The following SOX9 variants were observed in gnomAD, a reference collection of about 807,000 sequenced individuals.
SOX9 encodes transcription factor SOX-9.
SOX9 carries 2 observed loss-of-function variants against 44.8 expected under a neutral mutation model. That is an observed-to-expected ratio of 0.04 (90% CI 0.02 to 0.14). The LOEUF is 0.14. Ranked by LOEUF, SOX9 falls within the 10% of genes least tolerant of loss-of-function variation. The pLI is 1.00. For synonymous variants in SOX9, 381 were observed against 331.8 expected, an observed-to-expected ratio of 1.15 and a Z score of -1.61; for missense variants, 583 against 728.6, an observed-to-expected ratio of 0.80 and a Z score of 2.30.
rs1042678 is a variant in SOX9 at position 72,125,967 on chromosome 17, G to C, written c.*1580G>C. 4.3e-6 allele frequency: 1 copy of C among 232,056 alleles called. No individual in the cohort carries two copies. The highest frequency in any genetic ancestry group is 8.5e-6 in the Non-Finnish European group (1 of 117,426). 14.4% of individuals were successfully genotyped at this position (232,056 alleles called of 1,614,324 possible). A position where few individuals can be genotyped will look rare whatever the true frequency, so the allele number is the denominator to read the frequency against. On this transcript the variant is annotated 3_prime_UTR_variant, in exon 3 of 3. Transcript: ENST00000245479. ...AAGCATGTGTCATCCATATTTCTCT[G>C]CATCTTCTCTTGGAGTGAGGGAGGC...
In SOX9 at chr17:72,125,023, T is replaced by C. The variant is rs1286507647; in HGVS notation, c.*636T>C. 8.8e-6 allele frequency: 2 copies of C among 226,432 alleles called. No homozygotes were observed. Among genetic ancestry groups the C allele is most frequent in the Non-Finnish European group, 1.8e-5 (2 of 113,464 alleles). The allele number at this position is 226,432 out of a possible 1,614,324, so 14.0% of individuals were successfully genotyped here. A position where few individuals can be genotyped will look rare whatever the true frequency, so the allele number is the denominator to read the frequency against. ...TTACAAAAAGAAAAAAAAAATCCTGTTGTATTAACATTTAAAAACAGAATT... is the reference window on the plus strand; with the variant it reads ...TTACAAAAAGAAAAAAAAAATCCTGCTGTATTAACATTTAAAAACAGAATT... On this transcript the variant is annotated 3_prime_UTR_variant, in exon 3 of 3. Transcript: ENST00000245479.
Position 72,121,038 on chromosome 17 carries a change from C to T in SOX9, c.-354C>T. On this transcript the variant is annotated 5_prime_UTR_variant, in exon 1 of 3. Coordinates refer to ENST00000245479, the MANE Select transcript of SOX9 (RefSeq NM_000346.4). This position sits in a 1 kb window ranked among gnomAD's most constrained non-coding sequence, Gnocchi z 8.3. ...GGGAGTTGGAGAGCCGAAAGCGGAG[C>T]TCGAAACTGACTGGAAACTTCAGTG... 1 of 532,392 alleles carries T rather than the reference C, an allele frequency of 1.9e-6. No homozygotes were observed. The highest frequency in any genetic ancestry group is 3.3e-6 in the Non-Finnish European group (1 of 307,154). The allele number at this position is 532,392 out of a possible 1,614,324, so 33.0% of individuals were successfully genotyped here. A position where few individuals can be genotyped will look rare whatever the true frequency, so the allele number is the denominator to read the frequency against.
rs1406338336 is a variant in SOX9 at position 72,123,913 on chromosome 17, CCCGCCGGCCCCGCAGGCGCCCCCGCAG to C, written c.1061_1087del (p.Pro354_Pro362del). The C allele has an allele frequency of 6.2e-6, 8 of 1,293,764 alleles. No homozygotes were observed. Among genetic ancestry groups the C allele is most frequent in the African/African-American group, 4.7e-5 (3 of 64,234 alleles). The allele number at this position is 1,293,764 out of a possible 1,614,324, so 80.1% of individuals were successfully genotyped here. A position where few individuals can be genotyped will look rare whatever the true frequency, so the allele number is the denominator to read the frequency against. ...CACCCCCGCAGCAGCCCCCACAGGC[CCCGCCGGCCCCGCAGGCGCCCCCGCAG>C]CCGCAGGCGGCGCCCCCACAGCAGC... On this transcript the variant is annotated inframe_deletion, in exon 3 of 3. Coordinates refer to ENST00000245479, the MANE Select transcript of SOX9 (RefSeq NM_000346.4). This position sits in a 1 kb window ranked among gnomAD's most constrained non-coding sequence, Gnocchi z 6.5.
In SOX9 at chr17:72,121,613, C is replaced by T. The variant is rs765395710; in HGVS notation, c.222C>T (p.Arg74=). 2 of 1,603,394 alleles carry T rather than the reference C, an allele frequency of 1.2e-6. No homozygotes were observed. Among genetic ancestry groups the T allele is most frequent in the Admixed American group, 1.7e-5 (1 of 58,446 alleles). The change falls in exon 1 of 3, where the codon CGC becomes CGT. Residue 74 remains arginine, a synonymous_variant. Coordinates refer to ENST00000245479, the MANE Select transcript of SOX9 (RefSeq NM_000346.4). This position sits in a 1 kb window ranked among gnomAD's most constrained non-coding sequence, Gnocchi z 8.3. The part of the protein sequence containing the change: ...SEEDKFPVCI[R]EAVSQVLKGY... ...AGGACAAGTTCCCCGTGTGCATCCG[C>T]GAGGCGGTCAGCCAGGTGCTCAAAG...
At position 72,123,110 on chromosome 17, in the gene SOX9, C is replaced by A; in HGVS notation, c.685+138C>A. On this transcript the variant is annotated intron_variant, in intron 2 of 2. Transcript: ENST00000245479. This position sits in a 1 kb window ranked among gnomAD's most constrained non-coding sequence, Gnocchi z 6.5. ...CACTGCCCTTTGCGCCCGTCCCGCT[C>A]CCCTCTCTACCCAGAGCCTAAGAGG... 1 of 1,004,456 alleles carries A rather than the reference C, an allele frequency of 1.0e-6. No homozygotes were observed. The highest frequency in any genetic ancestry group is 1.5e-6 in the Non-Finnish European group (1 of 673,060). The allele number at this position is 1,004,456 out of a possible 1,614,324, so 62.2% of individuals were successfully genotyped here. A position where few individuals can be genotyped will look rare whatever the true frequency, so the allele number is the denominator to read the frequency against.
chr17:72,124,300 C>T lies in SOX9; in HGVS notation c.1443C>T (p.Ala481=), dbSNP rs747450132. The part of the protein sequence containing the change: ...PAQRPMYTPI[A]DTSGVPSIPQ... Reference sequence around the variant, plus strand: ...AGCGCCCCATGTACACCCCCATCGCCGACACCTCTGGGGTCCCTTCCATCC... The same window carrying T: ...AGCGCCCCATGTACACCCCCATCGCTGACACCTCTGGGGTCCCTTCCATCC... Residue 481 remains alanine, a synonymous_variant, in exon 3 of 3, where the codon GCC becomes GCT. Coordinates refer to ENST00000245479, the MANE Select transcript of SOX9 (RefSeq NM_000346.4). This position sits in a 1 kb window ranked among gnomAD's most constrained non-coding sequence, Gnocchi z 4.6. 1 of 1,608,688 alleles carries T rather than the reference C, an allele frequency of 6.2e-7. No homozygotes were observed. Among genetic ancestry groups the T allele is most frequent in the Non-Finnish European group, 8.5e-7 (1 of 1,179,960 alleles).
At position 72,123,630 on chromosome 17, in the gene SOX9, C is replaced by T. The variant is rs761682807; in HGVS notation, c.773C>T (p.Pro258Leu). Residue 258 changes from proline to leucine, a missense_variant, in exon 3 of 3, where the codon CCC becomes CTC. Around this residue, in one of 7 missense-constraint regions of SOX9, gnomAD observed 349 missense variants for 387.0 expected, o/e 0.90. Transcript: ENST00000245479. The surrounding 1 kb of genome is among the most constrained non-coding windows in gnomAD (Gnocchi z 6.5). ...GKADLKREGR[P>L]LPEGGRQPPI... ...GCTGACCTGAAGCGAGAGGGGCGCC[C>T]CTTGCCAGAGGGGGGCAGACAGCCC... is the stretch of plus-strand genomic sequence containing the variant. The T allele has an allele frequency of 6.2e-7, 1 of 1,614,142 alleles. No individual in the cohort carries two copies. Among genetic ancestry groups the T allele is most frequent in the Non-Finnish European group, 8.5e-7 (1 of 1,180,012 alleles).
In SOX9 at chr17:72,124,833, T is replaced by C. The variant is rs1255527798; in HGVS notation, c.*446T>C. 1.7e-5 allele frequency: 6 copies of C among 353,686 alleles called. No homozygotes were observed. In the East Asian group the frequency reaches 2.4e-4, roughly 14 times the overall value. The allele number at this position is 353,686 out of a possible 1,614,324, so 21.9% of individuals were successfully genotyped here. A position where few individuals can be genotyped will look rare whatever the true frequency, so the allele number is the denominator to read the frequency against. On this transcript the variant is annotated 3_prime_UTR_variant, in exon 3 of 3. Transcript: ENST00000245479. This position sits in a 1 kb window ranked among gnomAD's most constrained non-coding sequence, Gnocchi z 4.6. ...GGAATATTCTCTATTTTAAATATTT[T>C]TAGTATGTACTGTGTATGATTCATT...
Position 72,123,550 on chromosome 17 carries a change from C to T in SOX9, c.693C>T (p.Ser231=). The change falls in exon 3 of 3, where the codon TCC becomes TCT. Residue 231 remains serine (S), a synonymous_variant. Coordinates refer to ENST00000245479, the MANE Select transcript of SOX9 (RefSeq NM_000346.4). The surrounding 1 kb of genome is among the most constrained non-coding windows in gnomAD (Gnocchi z 6.5). ...VHSPGEHSGQ[S]QGPPTPPTTP... is the part of the protein sequence containing the mutation. The stretch of plus-strand genomic sequence containing the variant: ...TTCTTTTATTGTCCACAGGGCAATC[C>T]CAGGGCCCACCGACCCCACCCACCA... 1 of 1,614,122 alleles carries T rather than the reference C, an allele frequency of 6.2e-7. No homozygotes were observed. Among genetic ancestry groups the T allele is most frequent in the Non-Finnish European group, 8.5e-7 (1 of 1,179,992 alleles).
rs1210801305 is a variant in SOX9 at position 72,124,583 on chromosome 17, C to T, written c.*196C>T. 10 of 711,418 alleles carry T rather than the reference C, an allele frequency of 1.4e-5. No homozygotes were observed. The highest frequency in any genetic ancestry group is 2.2e-5 in the Admixed American group (1 of 44,714). 44.1% of individuals were successfully genotyped at this position (711,418 alleles called of 1,614,324 possible). A position where few individuals can be genotyped will look rare whatever the true frequency, so the allele number is the denominator to read the frequency against. On this transcript the variant is annotated 3_prime_UTR_variant, in exon 3 of 3. Transcript: ENST00000245479. The surrounding 1 kb of genome is among the most constrained non-coding windows in gnomAD (Gnocchi z 4.6). ...CGTACCCAAATTTCCAAGACACAAA[C>T]ATGACCTATCCAAGCGCATTACCCA...
rs1390652980 is a variant in SOX9, at chr17:72,121,154, C to T, written c.-238C>T. On this transcript the variant is annotated 5_prime_UTR_variant, in exon 1 of 3. Transcript: ENST00000245479. This position sits in a 1 kb window ranked among gnomAD's most constrained non-coding sequence, Gnocchi z 8.3. ...AAGCGCCCCCACTTTTGCTCTTTTT[C>T]CTCCCCTCCTCCTCCTCTCCAATTC... is the stretch of plus-strand genomic sequence containing the variant. 1 of 571,630 alleles carries T rather than the reference C, an allele frequency of 1.7e-6. No individual in the cohort carries two copies. Among genetic ancestry groups the T allele is most frequent in the Non-Finnish European group, 3.1e-6 (1 of 324,762 alleles). The allele number at this position is 571,630 out of a possible 1,614,324, so 35.4% of individuals were successfully genotyped here.
chr17:72,124,408 G>A lies in SOX9; in HGVS notation c.*21G>A. 2 of 1,599,556 alleles carry A rather than the reference G, an allele frequency of 1.3e-6. No homozygotes were observed. The highest frequency in any genetic ancestry group is 1.7e-6 in the Non-Finnish European group (2 of 1,179,680). ...CTTGAGGAGGCCTCCCACGAAGGGC[G>A]AAGATGGCCGAGATGATCCTAAAAA... On this transcript the variant is annotated 3_prime_UTR_variant, in exon 3 of 3. Coordinates refer to ENST00000245479, the MANE Select transcript of SOX9 (RefSeq NM_000346.4). The surrounding 1 kb of genome is among the most constrained non-coding windows in gnomAD (Gnocchi z 4.6).
rs1320577043 is a variant in SOX9 at position 72,123,921 on chromosome 17, C to T, written c.1064C>T (p.Ala355Val). ...CAGCAGCCCCCACAGGCCCCGCCGG[C>T]CCCGCAGGCGCCCCCGCAGCCGCAG... The part of the protein sequence containing the change: ...PPQQPPQAPP[A>V]PQAPPQPQAA... The change falls in exon 3 of 3, where the codon GCC (alanine) becomes GTC (valine). Residue 355 changes from alanine to valine, a missense_variant. By Grantham distance (64) the Ala-to-Val change is moderately conservative (BLOSUM62 0). Transcript: ENST00000245479. The surrounding 1 kb of genome is among the most constrained non-coding windows in gnomAD (Gnocchi z 6.5). 3 of 1,292,532 alleles carry T rather than the reference C, an allele frequency of 2.3e-6. No individual in the cohort carries two copies. Among genetic ancestry groups the T allele is most frequent in the Non-Finnish European group, 1.9e-6 (2 of 1,028,642 alleles). The allele number at this position is 1,292,532 out of a possible 1,614,324, so 80.1% of individuals were successfully genotyped here.
chr17:72,125,058 G>C lies in SOX9; in HGVS notation c.*671G>C, dbSNP rs900027708. The stretch of plus-strand genomic sequence containing the variant: ...ATTTAAAAACAGAATTGTGTTATGT[G>C]ATCAGTTTTGGGGGTTAACTTTGCT... On this transcript the variant is annotated 3_prime_UTR_variant, in exon 3 of 3. Coordinates refer to ENST00000245479, the MANE Select transcript of SOX9 (RefSeq NM_000346.4). 1.8e-5 allele frequency: 4 copies of C among 226,232 alleles called. No homozygotes were observed. The highest frequency in any genetic ancestry group is 8.9e-5 in the African/African-American group (4 of 44,782). 14.0% of individuals were successfully genotyped at this position (226,232 alleles called of 1,614,324 possible). A position where few individuals can be genotyped will look rare whatever the true frequency, so the allele number is the denominator to read the frequency against.
Position 72,121,209 on chromosome 17 carries a change from G to A in SOX9, c.-183G>A. The A allele has an allele frequency of 3.2e-6, 2 of 619,282 alleles. No individual in the cohort carries two copies. The highest frequency in any genetic ancestry group is 3.9e-5 in the South Asian group (2 of 51,592). 38.4% of individuals were successfully genotyped at this position (619,282 alleles called of 1,614,324 possible). A position where few individuals can be genotyped will look rare whatever the true frequency, so the allele number is the denominator to read the frequency against. ...CCCCCCACTTGGAGCGGGCAGCTGT[G>A]AACTGGCCACCCCGCGCCTTCCTAA... On this transcript the variant is annotated 5_prime_UTR_variant, in exon 1 of 3. Coordinates refer to ENST00000245479, the MANE Select transcript of SOX9 (RefSeq NM_000346.4). This position sits in a 1 kb window ranked among gnomAD's most constrained non-coding sequence, Gnocchi z 8.3.
Position 72,124,674 on chromosome 17 carries a change from G to A in SOX9, c.*287G>A. ...GAGCAGCGAAATCAACGAGAAACTG[G>A]ACTTTTTAAACCCTCTTCAGAGCAA... On this transcript the variant is annotated 3_prime_UTR_variant, in exon 3 of 3. Transcript: ENST00000245479. The surrounding 1 kb of genome is among the most constrained non-coding windows in gnomAD (Gnocchi z 4.6). 2 of 539,844 alleles carry A rather than the reference G, an allele frequency of 3.7e-6. No homozygotes were observed. 33.4% of individuals were successfully genotyped at this position (539,844 alleles called of 1,614,324 possible).
Position 72,121,068 on chromosome 17 carries a change from G to T in SOX9, c.-324G>T. ...AACTGACTGGAAACTTCAGTGGCGC[G>T]GAGACTCGCCAGTTTCAACCCCGGA... is the stretch of plus-strand genomic sequence containing the variant. On this transcript the variant is annotated 5_prime_UTR_variant, in exon 1 of 3. Transcript: ENST00000245479. The surrounding 1 kb of genome is among the most constrained non-coding windows in gnomAD (Gnocchi z 8.3). The T allele has an allele frequency of 1.8e-6, 1 of 542,522 alleles. No individual in the cohort carries two copies. Among genetic ancestry groups the T allele is most frequent in the South Asian group, 2.6e-5 (1 of 37,760 alleles). The allele number at this position is 542,522 out of a possible 1,614,324, so 33.6% of individuals were successfully genotyped here.
In SOX9 at chr17:72,124,069, C is replaced by G. The variant is rs749575769; in HGVS notation, c.1212C>G (p.Pro404=). ...RTHIKTEQLS[P]SHYSEQQQHS... ...ACATCAAGACGGAGCAGCTGAGCCC[C>G]AGCCACTACAGCGAGCAGCAGCAGC... Residue 404 remains proline (P), a synonymous_variant, in exon 3 of 3, where the codon CCC becomes CCG. Transcript: ENST00000245479. The surrounding 1 kb of genome is among the most constrained non-coding windows in gnomAD (Gnocchi z 4.6). The G allele has an allele frequency of 3.1e-6, 5 of 1,613,370 alleles. No homozygotes were observed. In the Admixed American group the frequency reaches 6.7e-5, roughly 22 times the overall value.
At position 72,121,748 on chromosome 17, in the gene SOX9, G is replaced by A; in HGVS notation, c.357G>A (p.Ala119=). ...CCTTCATGGTGTGGGCGCAGGCGGCGCGCAGGAAGCTCGCGGACCAGTACC... is the reference window on the plus strand; with the variant it reads ...CCTTCATGGTGTGGGCGCAGGCGGCACGCAGGAAGCTCGCGGACCAGTACC... ...MNAFMVWAQA[A]RRKLADQYPH... Residue 119 remains alanine, a synonymous_variant, in exon 1 of 3, where the codon GCG becomes GCA. Transcript: ENST00000245479. This position sits in a 1 kb window ranked among gnomAD's most constrained non-coding sequence, Gnocchi z 8.3. 1 of 1,602,274 alleles carries A rather than the reference G, an allele frequency of 6.2e-7. No homozygotes were observed. Among genetic ancestry groups the A allele is most frequent in the South Asian group, 1.1e-5 (1 of 89,138 alleles).
Sources: allele counts gnomAD v4.1 joint callset, GRCh38; gene constraint gnomAD v4.1.1; regional missense constraint gnomAD v4.1.1; non-coding constraint Gnocchi (gnomAD v3.1); transcripts MANE v1.5; gene names NCBI Gene and HGNC (gene_info 2026-07-23, HGNC 2026-07-21).